FNIP2: variants seen among roughly 807,000 people sequenced by gnomAD.
FNIP2 encodes the protein folliculin-interacting protein 2.
Under a neutral mutation model 108.7 loss-of-function variants are expected in FNIP2, and 32 were observed. The observed-to-expected ratio is 0.29, with a 90% CI of 0.22 to 0.40. The LOEUF (loss-of-function observed/expected upper bound fraction) is 0.40, where lower values mean the gene tolerates loss of function less well. Among genes scored for constraint, FNIP2 ranks in the 10% least tolerant of loss-of-function variants. The probability of loss-of-function intolerance (pLI) is 1.00; values close to 1 mark genes in which losing one functional copy is unlikely to be tolerated. For synonymous variants in FNIP2, 480 were observed against 496.7 expected (o/e 0.97, Z 0.45); for missense variants, 1,202 against 1,381.6 (o/e 0.87, Z 2.06).
At chr4:158,814,221 G>C (rs2126519595) in intron 1 of FNIP2, among the ~76,000 whole-genome samples, 1 of 152,304 alleles carries the variant, frequency 6.6e-6, no homozygotes, top group Admixed American at 6.5e-5. Context: ...TAACTTGTTT[G>C]CTACTGGTAT....
chr4:158,825,194 A>G lies in FNIP2; in HGVS notation c.108-722A>G, dbSNP rs1778088927. On this transcript the variant is annotated intron_variant, in intron 1 of 16. Transcript: ENST00000264433. The stretch of plus-strand genomic sequence containing the variant: ...AAACTGAGTATATCCAAAGCAGTGC[A>G]CTTTTAAATGATTATCTTTTCTGTA... Among the ~76,000 whole-genome samples, 3 of 152,214 alleles carry G rather than the reference A, an allele frequency of 2.0e-5. No homozygotes were observed. In the East Asian group the frequency reaches 5.8e-4, roughly 29 times the overall value.
chr4:158,779,771 G>A (rs1285054080), intron 1 of FNIP2, among the ~76,000 whole-genome samples: 1 of 150,420 alleles, frequency 6.6e-6, no homozygotes, highest in Non-Finnish European at 1.5e-5. Context: ...CGGGAGCGGG[G>A]GTGGTCTCAC....
At chr4:158,891,388 T>G (rs1042852863) in intron 14 of FNIP2, 58 bp from the exon 15 acceptor site, 23 of 1,487,976 alleles carry the variant, frequency 1.5e-5, no homozygotes, top group Non-Finnish European at 1.9e-5. Context: ...GTAGTGAAAC[T>G]TTGACCTTTT....
At chr4:158,827,104 A>G (rs1778201162) in intron 2 of FNIP2, among the ~76,000 whole-genome samples, 2 of 152,322 alleles carry the variant, frequency 1.3e-5, no homozygotes, top group South Asian at 4.1e-4. Context: ...GCTAATCATT[A>G]CAGTAGTTGT....
Position 158,868,216 on chromosome 4 carries a change from G to C in FNIP2, c.1580G>C (p.Cys527Ser), listed in dbSNP as rs746246097. The C allele has an allele frequency of 5.0e-6, 8 of 1,614,060 alleles. No individual in the cohort carries two copies. Among genetic ancestry groups the C allele is most frequent in the Non-Finnish European group, 6.8e-6 (8 of 1,179,896 alleles). Residue 527 changes from cysteine to serine, a missense_variant, in exon 13 of 17, where the codon TGC becomes TCC. By Grantham distance (112) the Cys-to-Ser change is moderately radical. Transcript: ENST00000264433. This position sits in a 1 kb window ranked among gnomAD's most constrained non-coding sequence, Gnocchi z 4.6. ...ILYVLTYFLR[C>S]SELQENQLTW... is the part of the protein sequence containing the mutation. ...TATGTCCTGACCTACTTTCTCCGTT[G>C]CTCTGAGCTACAAGAGAACCAGCTG...
intron 14 of FNIP2, chr4:158,890,440 C>G (rs1256251453): frequency 7.7e-6 from 6 of 779,254 alleles, no homozygotes; most frequent in South Asian, 5.8e-5. Flanking sequence ...AGAAGGAATA[C>G]AAAGCTGCAC....
intron 14 of FNIP2, chr4:158,890,145 A>C (rs760179589): frequency 1.9e-4 from 185 of 984,958 alleles, no homozygotes; most frequent in Non-Finnish European, 2.1e-4. Context: ...CAAATTCTTT[A>C]TCTCTCATGT....
At chr4:158,831,538 T>G (rs572189381) in intron 3 of FNIP2, among the ~76,000 whole-genome samples, 2 of 152,360 alleles carry the variant, frequency 1.3e-5, no homozygotes, top group African/African-American at 4.8e-5. Context: ...ATTTTCATAA[T>G]TTAATCTTTG....
At chr4:158,796,864 G>T (rs968379488) in intron 1 of FNIP2, among the ~76,000 whole-genome samples, 2 of 152,080 alleles carry the variant, frequency 1.3e-5, no homozygotes, top group Non-Finnish European at 2.9e-5. Flanking sequence ...TTGCCTTGTC[G>T]TCCAAGGTTC....
At chr4:158,791,651 C>T (rs184376905) in intron 1 of FNIP2, among the ~76,000 whole-genome samples, 1 of 152,206 alleles carries the variant, frequency 6.6e-6, no homozygotes, top group Non-Finnish European at 1.5e-5. Flanking sequence ...CCAGTTATAA[C>T]CAGCTACTGT....
chr4:158,852,650 A>G (rs1010870157), intron 8 of FNIP2, among the ~76,000 whole-genome samples: 4 of 152,224 alleles, frequency 2.6e-5, no homozygotes, highest in Non-Finnish European at 5.9e-5. Context: ...GACATAGGAT[A>G]TGGGCAATAA....
At chr4:158,833,907 G>GA (rs2126595019) in intron 6 of FNIP2, 1 of 1,374,086 alleles carries the variant, frequency 7.3e-7, no homozygotes, top group Non-Finnish European at 9.5e-7. Context: ...GTGGAATGCT[G>GA]AGTACAGTGT....
chr4:158,771,179 G>A (rs1355124736), intron 1 of FNIP2, among the ~76,000 whole-genome samples: 1 of 152,100 alleles, frequency 6.6e-6, no homozygotes, highest in Non-Finnish European at 1.5e-5. Context: ...TGGAGAATTT[G>A]GGGATCCCAG....
At chr4:158,900,826 C>T (rs186253078) in intron 16 of FNIP2, among the ~76,000 whole-genome samples, 297 of 152,132 alleles carry the variant, frequency 2.0e-3, no homozygotes, top group African/African-American at 6.3e-3. Context: ...GCATTTAGCC[C>T]GTATTTGATT....
chr4:158,862,772 A>G (rs988435615), intron 12 of FNIP2, among the ~76,000 whole-genome samples: 1 of 152,224 alleles, frequency 6.6e-6, no homozygotes, highest in African/African-American at 2.4e-5. Context: ...TGGGGAAGAC[A>G]GAACATGGTT....
chr4:158,885,756 G>A (rs1320475082), intron 14 of FNIP2, among the ~76,000 whole-genome samples: 1 of 152,218 alleles, frequency 6.6e-6, no homozygotes. Flanking sequence ...TAGCAACTGA[G>A]GCCCAGATTG....
chr4:158,862,794 G>C (rs1427665958), intron 12 of FNIP2, among the ~76,000 whole-genome samples: 1 of 152,102 alleles, frequency 6.6e-6, no homozygotes, highest in Admixed American at 6.5e-5. Context: ...TTTTGTTATG[G>C]AATAATAATA....
At chr4:158,779,429 C>T (rs1035074882) in intron 1 of FNIP2, among the ~76,000 whole-genome samples, 1 of 152,062 alleles carries the variant, frequency 6.6e-6, no homozygotes, top group Non-Finnish European at 1.5e-5. Flanking sequence ...CAACCAGCAA[C>T]AGTTGGTATC....
intron 16 of FNIP2, among the ~76,000 whole-genome samples, chr4:158,899,078 T>G (rs1782959646): frequency 6.6e-6 from 1 of 152,222 alleles, no homozygotes; most frequent in Non-Finnish European, 1.5e-5. Flanking sequence ...GTCGAAGGCC[T>G]TTTCTGCATC....
Sources: gnomAD v4.1 joint callset for allele counts (sites outside exome capture counted in the v4.1 genomes callset) on GRCh38, gnomAD v4.1.1 for gene constraint, Gnocchi (gnomAD v3.1) non-coding constraint, MANE v1.5 for transcripts, NCBI Gene and HGNC (gene_info 2026-07-23, HGNC 2026-07-21) for gene names.